The following SLC22A23 variants were observed in gnomAD, a reference collection of about 807,000 sequenced individuals.
SLC22A23 encodes solute carrier family 22 member 23, also known as ion transporter protein.
Under a neutral mutation model 61.0 loss-of-function variants are expected in SLC22A23, and 26 were observed. The observed-to-expected ratio is 0.43, with a 90% CI of 0.31 to 0.59. The LOEUF is 0.59. SLC22A23 is among the 20% of genes least tolerant of loss of function. The pLI is 0.11. For missense variants in SLC22A23, 796 were observed against 934.7 expected (o/e 0.85, Z 1.94); for synonymous variants, 430 against 413.9 (o/e 1.04, Z -0.47).
rs559026694 is a variant in SLC22A23 at position 3,322,686 on chromosome 6, C to T, written c.1082+1148G>A. On this transcript the variant is annotated intron_variant, in intron 4 of 9. Coordinates refer to ENST00000406686, the MANE Select transcript of SLC22A23 (RefSeq NM_015482.2). This position sits in a 1 kb window ranked among gnomAD's most constrained non-coding sequence, Gnocchi z 4.1. ...CTCGGGGAAACCGCACCTGCACCCT[C>T]GCAGTACATCTACTACCAGGGCAGG... 3.9e-5 allele frequency among the ~76,000 whole-genome samples: 6 copies of T among 152,298 alleles called. No individual in the cohort carries two copies. Among genetic ancestry groups the T allele is most frequent in the East Asian group, 3.9e-4 (2 of 5,186 alleles).
intron 5 of SLC22A23, among the ~76,000 whole-genome samples, chr6:3,296,198 C>T (rs939479259): frequency 1.3e-4 from 20 of 152,318 alleles, no homozygotes; most frequent in Admixed American, 4.6e-4. Context: ...CCATCTGGAC[C>T]GTCCAAAACG....
chr6:3,410,475 T>C lies in SLC22A23; in HGVS notation c.759-133A>G, dbSNP rs1446579695. The C allele has an allele frequency of 1.0e-5, 9 of 880,930 alleles. No individual in the cohort carries two copies. The highest frequency in any genetic ancestry group is 1.7e-5 in the African/African-American group (1 of 57,632). 54.6% of individuals were successfully genotyped at this position (880,930 alleles called of 1,614,324 possible). On this transcript the variant is annotated intron_variant, in intron 2 of 9. Transcript: ENST00000406686. The surrounding 1 kb of genome is among the most constrained non-coding windows in gnomAD (Gnocchi z 5.0). ...TGGGTAAAAAGTCCTGTGCCATCTA[T>C]ACCCACTTCACTAGATCCTAGGCTA...
chr6:3,342,729 T>G lies in SLC22A23; in HGVS notation c.914-18727A>C, dbSNP rs918605942. ...CGTACAAATAACACCTTCACATTAG[T>G]GCTGGGGATGAAAACCTTTTCCTCC... is the stretch of plus-strand genomic sequence containing the variant. On this transcript the variant is annotated intron_variant, in intron 3 of 9. Transcript: ENST00000406686. The surrounding 1 kb of genome is among the most constrained non-coding windows in gnomAD (Gnocchi z 4.0). Among the ~76,000 whole-genome samples, 1 of 152,166 alleles carries G rather than the reference T, an allele frequency of 6.6e-6. No individual in the cohort carries two copies. Among genetic ancestry groups the G allele is most frequent in the African/African-American group, 2.4e-5 (1 of 41,426 alleles).
chr6:3,300,543 C>T (rs952627525), intron 4 of SLC22A23, among the ~76,000 whole-genome samples: 5 of 152,166 alleles, frequency 3.3e-5, no homozygotes, highest in Non-Finnish European at 5.9e-5. Flanking sequence ...TTGCCAGACA[C>T]AGAATCTGCT....
chr6:3,282,127 A>C (rs1759523904), intron 9 of SLC22A23: 3 of 689,274 alleles, frequency 4.4e-6, no homozygotes, highest in Admixed American at 4.1e-5. Context: ...AGGCTGCAGG[A>C]GGCCAGCTGG....
At chr6:3,437,707 T>TA (rs1199914513) in intron 1 of SLC22A23, among the ~76,000 whole-genome samples, 2 of 147,976 alleles carry the variant, frequency 1.4e-5, no homozygotes, top group South Asian at 2.2e-4. Flanking sequence ...AATAAATAAA[T>TA]AATAATAATT....
At position 3,410,638 on chromosome 6, in the gene SLC22A23, T is replaced by C. The variant is rs527551364; in HGVS notation, c.759-296A>G. 6.6e-6 allele frequency among the ~76,000 whole-genome samples: 1 copy of C among 152,294 alleles called. No homozygotes were observed. Among genetic ancestry groups the C allele is most frequent in the Non-Finnish European group, 1.5e-5 (1 of 68,024 alleles). On this transcript the variant is annotated intron_variant, in intron 2 of 9. Coordinates refer to ENST00000406686, the MANE Select transcript of SLC22A23 (RefSeq NM_015482.2). The surrounding 1 kb of genome is among the most constrained non-coding windows in gnomAD (Gnocchi z 5.0). ...GAGTCTATTTCTGAGTGTATAGTGA[T>C]ATAATTCAAGGCAAGGGGAACAAAA... is the stretch of plus-strand genomic sequence containing the variant.
rs1451055479 is a variant in SLC22A23 at position 3,414,744 on chromosome 6, ATCCTTTAAAGAT to A, written c.758+996_758+1007del. Reference sequence around the variant, plus strand: ...ACCAAAAAAAAAAAAAAAAAAAAAAATCCTTTAAAGATAAAAGAATGTAAGCTGGGGAGACAG... The same window carrying A: ...ACCAAAAAAAAAAAAAAAAAAAAAAAAAAAGAATGTAAGCTGGGGAGACAG... On this transcript the variant is annotated intron_variant, in intron 2 of 9. Coordinates refer to ENST00000406686, the MANE Select transcript of SLC22A23 (RefSeq NM_015482.2). The surrounding 1 kb of genome is among the most constrained non-coding windows in gnomAD (Gnocchi z 5.1). 6.7e-6 allele frequency among the ~76,000 whole-genome samples: 1 copy of A among 149,956 alleles called. No homozygotes were observed. Among genetic ancestry groups the A allele is most frequent in the African/African-American group, 2.5e-5 (1 of 40,164 alleles).
chr6:3,398,454 ATT>A (rs1219591163), intron 3 of SLC22A23, among the ~76,000 whole-genome samples: 85 of 127,148 alleles, frequency 6.7e-4, no homozygotes, highest in African/African-American at 1.2e-3. Flanking sequence ...ACAAAGCACT[ATT>A]TTTTTTTTTT....
intron 3 of SLC22A23, among the ~76,000 whole-genome samples, chr6:3,353,471 A>G (rs1764894412): frequency 6.6e-6 from 1 of 152,224 alleles, no homozygotes; most frequent in Middle Eastern, 3.2e-3. Flanking sequence ...TCAATGGGAA[A>G]TGCCGTGACC....
intron 1 of SLC22A23, among the ~76,000 whole-genome samples, chr6:3,449,271 C>T (rs1452193009): frequency 6.6e-6 from 1 of 152,124 alleles, no homozygotes; most frequent in Non-Finnish European, 1.5e-5. Context: ...TCTTCCAAGC[C>T]TTAAAGCTAA....
chr6:3,322,187 T>C lies in SLC22A23; in HGVS notation c.1082+1647A>G, dbSNP rs1053487539. Among the ~76,000 whole-genome samples, 3 of 152,110 alleles carry C rather than the reference T, an allele frequency of 2.0e-5. No homozygotes were observed. The highest frequency in any genetic ancestry group is 2.1e-4 in the South Asian group (1 of 4,828). On this transcript the variant is annotated intron_variant, in intron 4 of 9. Transcript: ENST00000406686. The surrounding 1 kb of genome is among the most constrained non-coding windows in gnomAD (Gnocchi z 4.1). ...GACCGCGGTTCTGTCCTCTATAGGATGGGCTGCTGAGATATGAGGGTGGAA... is the reference window on the plus strand; with the variant it reads ...GACCGCGGTTCTGTCCTCTATAGGACGGGCTGCTGAGATATGAGGGTGGAA...
At chr6:3,418,798 G>A (rs547751527) in intron 1 of SLC22A23, among the ~76,000 whole-genome samples, 1 of 152,346 alleles carries the variant, frequency 6.6e-6, no homozygotes, top group Admixed American at 6.5e-5. Flanking sequence ...ACTCATGCCT[G>A]GGGATCCGCC....
At chr6:3,381,846 C>T (rs903569719) in intron 3 of SLC22A23, among the ~76,000 whole-genome samples, 1 of 152,182 alleles carries the variant, frequency 6.6e-6, no homozygotes, top group Non-Finnish European at 1.5e-5. Flanking sequence ...TTTGCTGCCA[C>T]CATGAGCAAG....
intron 3 of SLC22A23, among the ~76,000 whole-genome samples, chr6:3,343,479 A>G (rs1764262985): frequency 6.6e-6 from 1 of 152,016 alleles, no homozygotes. Context: ...ACACGCACAC[A>G]CACACACACA....
At position 3,273,357 on chromosome 6, in the gene SLC22A23, G is replaced by T; in HGVS notation, c.1759C>A (p.Pro587Thr). 6.2e-7 allele frequency: 1 copy of T among 1,613,762 alleles called. No individual in the cohort carries two copies. Among genetic ancestry groups the T allele is most frequent in the Non-Finnish European group, 8.5e-7 (1 of 1,179,972 alleles). ...TTCTGGTTGTGCAGCTCGATGATGGGTGCCGTCAGCATGCCGAAGCCCGCG... is the reference window on the plus strand; with the variant it reads ...TTCTGGTTGTGCAGCTCGATGATGGTTGCCGTCAGCATGCCGAAGCCCGCG... ...ASAGFGMLTA[P>T]IIELHNQKGY... The change falls in exon 10 of 10, where the codon CCC becomes ACC. Residue 587 changes from proline (P) to threonine (T), a missense_variant. Pro to Thr is a conservative substitution (Grantham distance 38). Transcript: ENST00000406686.
chr6:3,443,461 G>A (rs1037325747), intron 1 of SLC22A23, among the ~76,000 whole-genome samples: 3 of 152,182 alleles, frequency 2.0e-5, no homozygotes, highest in African/African-American at 7.2e-5. Context: ...TAGAAGAGAA[G>A]CCTCAGGAGG....
intron 1 of SLC22A23, among the ~76,000 whole-genome samples, chr6:3,425,782 CTG>C (rs1432413545): frequency 6.6e-6 from 1 of 152,148 alleles, no homozygotes; most frequent in Non-Finnish European, 1.5e-5. Flanking sequence ...GATGAAGAAA[CTG>C]AGGCTGAGAA....
Position 3,456,483 on chromosome 6 carries a change from G to T in SLC22A23, c.77C>A (p.Ser26Tyr). 1 of 1,162,578 alleles carries T rather than the reference G, an allele frequency of 8.6e-7. No homozygotes were observed. Among genetic ancestry groups the T allele is most frequent in the Non-Finnish European group, 1.1e-6 (1 of 945,752 alleles). 72.0% of individuals were successfully genotyped at this position (1,162,578 alleles called of 1,614,324 possible). The change falls in exon 1 of 10, where the codon TCC (serine) becomes TAC (tyrosine). Residue 26 changes from serine to tyrosine, a missense_variant. Coordinates refer to ENST00000406686, the MANE Select transcript of SLC22A23 (RefSeq NM_015482.2). This position sits in a 1 kb window ranked among gnomAD's most constrained non-coding sequence, Gnocchi z 7.1. ...RQPAPAEENG[S>Y]LPPGDAAASA... The stretch of plus-strand genomic sequence containing the variant: ...GGCCGCCGCGTCCCCGGGCGGCAGG[G>T]AGCCGTTCTCCTCGGCCGGGGCCGG...
Sources: allele counts gnomAD v4.1 joint callset (sites outside exome capture counted in the v4.1 genomes callset), GRCh38; gene constraint gnomAD v4.1.1; non-coding constraint Gnocchi (gnomAD v3.1); transcripts MANE v1.5; gene names NCBI Gene and HGNC (gene_info 2026-07-23, HGNC 2026-07-21).